Variants in ADAM33 observed in about 807,000 individuals in gnomAD.
ADAM33 encodes disintegrin and metalloproteinase domain-containing protein 33.
ADAM33 carries 103 observed loss-of-function variants against 106.2 expected under a neutral mutation model. The ratio of observed to expected loss-of-function variants is 0.97; its 90% CI spans 0.83 to 1.14. The LOEUF (loss-of-function observed/expected upper bound fraction) is 1.14. Among genes scored for constraint, ADAM33 ranks in the 50% most tolerant of loss-of-function variants. The pLI is 0.00. For synonymous variants in ADAM33, 483 were observed against 453.0 expected (o/e 1.07, Z -0.84); for missense variants, 1,120 against 1,096.6 (o/e 1.02, Z -0.30).
rs1464577794 is a variant in ADAM33 at position 3,674,554 on chromosome 20, G to A, written c.550C>T (p.Pro184Ser). The change falls in exon 6 of 22, where the codon CCT becomes TCT. Residue 184 changes from proline to serine, a missense_variant. By Grantham distance (74) the Pro-to-Ser change is moderately conservative. Coordinates refer to ENST00000356518, the MANE Select transcript of ADAM33 (RefSeq NM_025220.5). ...TWKGTCGHRD[P>S]GNKAGMTSLP... ...CTGGTCATGCCCGCTTTGTTCCCAG[G>A]ATCCCTGTGGCCACAGGTTCCTTTC... 2 of 1,613,532 alleles carry A rather than the reference G, an allele frequency of 1.2e-6. No homozygotes were observed. The highest frequency in any genetic ancestry group is 8.5e-7 in the Non-Finnish European group (1 of 1,179,928).
intron 15 of ADAM33, 31 bp from the exon 16 acceptor site, chr20:3,671,810 T>C: frequency 1.3e-6 from 2 of 1,552,030 alleles, no homozygotes; most frequent in Non-Finnish European, 1.7e-6. Flanking sequence ...GGTCAACAGC[T>C]GCAGTACCCC....
intron 18 of ADAM33, 42 bp from the exon 19 acceptor site, chr20:3,671,195 G>A (rs748854822): frequency 6.2e-7 from 1 of 1,612,756 alleles, no homozygotes; most frequent in South Asian, 1.1e-5. Context: ...CTGAGCAGGT[G>A]CACCACCCCA....
At chr20:3,680,333 C>T (rs769434452) in intron 1 of ADAM33, among the ~76,000 whole-genome samples, 7 of 152,132 alleles carry the variant, frequency 4.6e-5, no homozygotes, top group Non-Finnish European at 1.0e-4. Flanking sequence ...CTGCAGCAGC[C>T]CTCCTTCCCC....
intron 19 of ADAM33, 49 bp downstream of exon 19, chr20:3,670,954 TGAG>T (rs1290933266): frequency 2.7e-6 from 4 of 1,505,412 alleles, no homozygotes; most frequent in Middle Eastern, 2.4e-4. Flanking sequence ...AGCAGAGCTC[TGAG>T]GAGGGGAACC....
intron 1 of ADAM33, among the ~76,000 whole-genome samples, chr20:3,681,132 G>C (rs913272182): frequency 6.6e-6 from 1 of 152,158 alleles, no homozygotes; most frequent in African/African-American, 2.4e-5. Flanking sequence ...GCCCAGCCCC[G>C]CATGCCCCCT....
At chr20:3,674,716 C>A (rs192289990) in intron 5 of ADAM33, 23 bp from the exon 6 acceptor site, 5 of 1,596,486 alleles carry the variant, frequency 3.1e-6, no homozygotes. Context: ...GGGGTAGGAG[C>A]GGGTGTGAGG....
intron 19 of ADAM33, 162 bp from the exon 20 acceptor site, chr20:3,669,799 C>T (rs758662188): frequency 5.9e-5 from 43 of 731,886 alleles, no homozygotes; most frequent in Non-Finnish European, 1.0e-4. Flanking sequence ...CCTGCTCCCT[C>T]TTCAGGGGAG....
Position 3,679,491 on chromosome 20 carries a change from C to G in ADAM33, c.177+1G>C. On this transcript the variant is annotated splice_donor_variant, in intron 2 of 21. Coordinates refer to ENST00000356518, the MANE Select transcript of ADAM33 (RefSeq NM_025220.5). LOFTEE classifies it high-confidence loss of function. ...GGAGGGCGGGGAGACATGGCACTGACCGGCTCCTCCAGGCTGACGGTGCGC... is the reference window on the plus strand; with the variant it reads ...GGAGGGCGGGGAGACATGGCACTGAGCGGCTCCTCCAGGCTGACGGTGCGC... 1 of 1,605,972 alleles carries G rather than the reference C, an allele frequency of 6.2e-7. No individual in the cohort carries two copies. Among genetic ancestry groups the G allele is most frequent in the Non-Finnish European group, 8.5e-7 (1 of 1,176,244 alleles).
intron 18 of ADAM33, 36 bp from the exon 19 acceptor site, chr20:3,671,189 G>A (rs770292036): frequency 6.2e-6 from 10 of 1,612,826 alleles, no homozygotes; most frequent in South Asian, 1.1e-5. Flanking sequence ...TGAGTCCTGA[G>A]CAGGTGCACC....
Position 3,671,488 on chromosome 20 carries a change from C to G in ADAM33, c.1914G>C (p.Gln638His). ...GTQCGPRMVC[Q>H]SRRCRKNAFQ... The stretch of plus-strand genomic sequence containing the variant: ...AGGCATTCTTCCTGCAGCGCCTGCT[C>G]TGGCACACCTACGGGCAGTGCACCA... Residue 638 changes from glutamine to histidine, a missense_variant, in exon 17 of 22, where the codon CAG becomes CAC. By Grantham distance (24) the Gln-to-His change is conservative (BLOSUM62 0). Transcript: ENST00000356518. The G allele has an allele frequency of 6.2e-7, 1 of 1,610,836 alleles. No individual in the cohort carries two copies. The highest frequency in any genetic ancestry group is 8.5e-7 in the Non-Finnish European group (1 of 1,178,176).
rs374872342 is a variant in ADAM33, at chr20:3,672,839, C to A, written c.1193G>T (p.Arg398Leu). The A allele has an allele frequency of 2.0e-5, 32 of 1,575,380 alleles. No homozygotes were observed. Among genetic ancestry groups the A allele is most frequent in the Non-Finnish European group, 2.6e-5 (30 of 1,168,246 alleles). Residue 398 changes from arginine (R) to leucine (L), a missense_variant, in exon 12 of 22, where the codon CGC (arginine) becomes CTC (leucine). Physicochemically the swap from Arg to Leu is moderately radical, Grantham distance 102. Coordinates refer to ENST00000356518, the MANE Select transcript of ADAM33 (RefSeq NM_025220.5). ...GGAGAGGCAAGCGCCGCCCCCCTTG[C>A]GGAAGAAGGCGCGCAGCTGGCGGCG... ...CSRRQLRAFFRKGGGACLSNA... is the reference protein window; with the variant it reads ...CSRRQLRAFFLKGGGACLSNA...
In ADAM33 at chr20:3,668,801, T is replaced by G; in HGVS notation, c.*162A>C. ...AACTTCTAATGTGGCTCTGGGTTCC[T>G]GGAGTGGGTGGGTCGAAGCTCCACT... On this transcript the variant is annotated 3_prime_UTR_variant, in exon 22 of 22. Transcript: ENST00000356518. The G allele has an allele frequency of 1.2e-6, 1 of 807,832 alleles. No homozygotes were observed. The highest frequency in any genetic ancestry group is 1.5e-5 in the South Asian group (1 of 68,272). 50.0% of individuals were successfully genotyped at this position (807,832 alleles called of 1,614,324 possible).
intron 3 of ADAM33, 69 bp downstream of exon 3, chr20:3,676,998 G>A: frequency 1.9e-6 from 3 of 1,541,916 alleles, no homozygotes; most frequent in Non-Finnish European, 2.6e-6. Context: ...CACCCGCACA[G>A]ATCTGTGTCA....
chr20:3,672,624 C>G lies in ADAM33; in HGVS notation c.1314G>C (p.Glu438Asp). ...GAGCAAAGCAGCAGAGGTCGCGGCA[C>G]TCCTGGGACCAGAAAGGCAAGAAGG... ...GEECDCGPGQ[E>D]CRDLCCFAHN... The change falls in exon 13 of 22, where the codon GAG (glutamate) becomes GAC (aspartate). Residue 438 changes from glutamate to aspartate, a missense_variant and splice_region_variant. By Grantham distance (45) the Glu-to-Asp change is conservative. Transcript: ENST00000356518. 2 of 1,613,414 alleles carry G rather than the reference C, an allele frequency of 1.2e-6. No homozygotes were observed. Among genetic ancestry groups the G allele is most frequent in the Non-Finnish European group, 1.7e-6 (2 of 1,179,866 alleles).
At position 3,673,752 on chromosome 20, in the gene ADAM33, G is replaced by C; in HGVS notation, c.898C>G (p.Leu300Val). 6.6e-7 allele frequency: 1 copy of C among 1,512,252 alleles called. No individual in the cohort carries two copies. The highest frequency in any genetic ancestry group is 2.5e-5 in the East Asian group (1 of 40,030). 93.7% of individuals were successfully genotyped at this position (1,512,252 alleles called of 1,614,324 possible). The stretch of plus-strand genomic sequence containing the variant: ...CGGGTCAGAGGCACCCACGTGAGCA[G>C]CTGCGCGGAGTCGTGGGGCCGCTGC... ...WAQRPHDSAQ[L>V]LTGRAFQGAT... The change falls in exon 9 of 22, where the codon CTG becomes GTG. Residue 300 changes from leucine to valine, a missense_variant. Leu to Val is a conservative substitution (Grantham distance 32). Coordinates refer to ENST00000356518, the MANE Select transcript of ADAM33 (RefSeq NM_025220.5).
At position 3,671,645 on chromosome 20, in the gene ADAM33, C is replaced by G. The variant is rs137872228; in HGVS notation, c.1841G>C (p.Ser614Thr). 223 of 1,578,726 alleles carry G rather than the reference C, an allele frequency of 1.4e-4. 2 individuals are homozygous for G. The African/African-American group carries it at 2.4e-3, about 17-fold the overall frequency. ...CAGGCCAAGCAGGTCCAGCTGGGCA[C>G]TGGGGAGTGCCAAGGCTCCCCGACA... ...VTCRGALALP[S>T]AQLDLLGLGL... Residue 614 changes from serine to threonine, a missense_variant, in exon 16 of 22, where the codon AGT (serine) becomes ACT (threonine). Transcript: ENST00000356518.
chr20:3,681,980 GAGCTCTCCGGGGCCTCC>G lies in ADAM33; in HGVS notation c.8_24del (p.Trp3SerfsTer65). ...AGCAGCAGCAGCAACGGGGTCCCCC[GAGCTCTCCGGGGCCTCC>G]AGCCCATAGCTGTGAGCTCCTCGGC... On this transcript the variant is annotated frameshift_variant, in exon 1 of 22. Transcript: ENST00000356518. LOFTEE classifies it high-confidence loss of function. 1 of 1,541,452 alleles carries G rather than the reference GAGCTCTCCGGGGCCTCC, an allele frequency of 6.5e-7. No individual in the cohort carries two copies. The highest frequency in any genetic ancestry group is 8.7e-7 in the Non-Finnish European group (1 of 1,143,526).
chr20:3,670,921 C>T (rs2087490133), intron 19 of ADAM33, 85 bp downstream of exon 19: 2 of 1,452,490 alleles, frequency 1.4e-6, no homozygotes, highest in Non-Finnish European at 1.8e-6. Context: ...AGGCTGAGGG[C>T]CTGCCCCAGC....
In ADAM33 at chr20:3,671,147, T is replaced by A. The variant is rs761702883; in HGVS notation, c.2099A>T (p.Asp700Val). The A allele has an allele frequency of 6.8e-6, 11 of 1,612,616 alleles. No homozygotes were observed. Among genetic ancestry groups the A allele is most frequent in the African/African-American group, 1.3e-5 (1 of 74,886 alleles). Residue 700 changes from aspartate (D) to valine (V), a missense_variant, in exon 19 of 22, where the codon GAC becomes GTC. Asp to Val is a radical substitution (Grantham distance 152). Coordinates refer to ENST00000356518, the MANE Select transcript of ADAM33 (RefSeq NM_025220.5). The stretch of plus-strand genomic sequence containing the variant: ...GAGGAGCATGGCCAGCAGGAAGGTG[T>A]CATGGTCTGCGGGGATTGGGGGAAG... Reference protein sequence around the residue: ...DSGPVQAENHDTFLLAMLLSV... With the variant: ...DSGPVQAENHVTFLLAMLLSV...
Sources: allele counts gnomAD v4.1 joint callset (sites outside exome capture counted in the v4.1 genomes callset), GRCh38; gene constraint gnomAD v4.1.1; transcripts MANE v1.5; gene names NCBI Gene and HGNC (gene_info 2026-07-23, HGNC 2026-07-21).